MUC15: variants seen among roughly 807,000 people sequenced by gnomAD.
MUC15 encodes mucin 15, cell surface associated.
MUC15 carries 23 observed loss-of-function variants against 24.0 expected under a neutral mutation model. That is an observed-to-expected ratio of 0.96 (90% CI 0.69 to 1.36). MUC15 has a LOEUF of 1.36. MUC15 is among the 40% of genes most tolerant of loss of function. The pLI is 0.00. For synonymous variants in MUC15, 151 were observed against 156.3 expected (o/e 0.97, Z 0.25); for missense variants, 442 against 428.2 (o/e 1.03, Z -0.29).
chr11:26,569,238 C>A (rs1850721857), intron 1 of MUC15, among the ~76,000 whole-genome samples: 1 of 152,088 alleles, frequency 6.6e-6, no homozygotes. Context: ...GTATCAACAC[C>A]CCCAAACGTG....
intron 4 of MUC15, 44 bp from the exon 5 acceptor site, chr11:26,561,269 A>G: frequency 1.4e-6 from 2 of 1,457,116 alleles, no homozygotes; most frequent in Non-Finnish European, 1.8e-6. Flanking sequence ...TGATACTCTG[A>G]AAGATTCATG....
In MUC15 at chr11:26,565,255, T is replaced by C. The variant is rs1183723224; in HGVS notation, c.685A>G (p.Thr229Ala). Residue 229 changes from threonine (T) to alanine (A), a missense_variant, in exon 3 of 5, where the codon ACC becomes GCC. By Grantham distance (58) the Thr-to-Ala change is moderately conservative. Coordinates refer to ENST00000529533, the MANE Select transcript of MUC15 (RefSeq NM_001135091.2). ...AGAGTTGTTTTTTCTTGATAAGGGG[T>C]AAACCCAGTGAAGCTATCACTGTTT... ...TTNSDSFTGF[T>A]PYQEKTTLQP... 2 of 1,587,192 alleles carry C rather than the reference T, an allele frequency of 1.3e-6. No homozygotes were observed. Among genetic ancestry groups the C allele is most frequent in the East Asian group, 4.5e-5 (2 of 44,572 alleles).
In MUC15 at chr11:26,565,309, T is replaced by G; in HGVS notation, c.631A>C (p.Ile211Leu). 6.2e-7 allele frequency: 1 copy of G among 1,609,122 alleles called. No homozygotes were observed. Among genetic ancestry groups the G allele is most frequent in the South Asian group, 1.1e-5 (1 of 90,580 alleles). Residue 211 changes from isoleucine (I) to leucine (L), a missense_variant, in exon 3 of 5, where the codon ATA becomes CTA. Physicochemically the swap from Ile to Leu is conservative, Grantham distance 5. Transcript: ENST00000529533. ...EPTSPSVTPL[I>L]VEPSGWLTTN... is the part of the protein sequence containing the mutation. ...GTAAGCCATCCACTTGGTTCCACTA[T>G]CAAGGGGGTCACAGATGGAGAAGTT...
chr11:26,570,035 T>C (rs1443837236), intron 1 of MUC15, among the ~76,000 whole-genome samples: 1 of 152,072 alleles, frequency 6.6e-6, no homozygotes, highest in African/African-American at 2.4e-5. Flanking sequence ...CTTCTAAAGG[T>C]AGAATTACTA....
rs71047867 is a variant in MUC15 at position 26,563,395 on chromosome 11, CTGTGTGTGTGTG to C, written c.776-142_776-131del. On this transcript the variant is annotated intron_variant, in intron 3 of 4. Transcript: ENST00000529533. ...ATTAGATAATGGTGTGTTTCTCTCT[CTGTGTGTGTGTG>C]TGTGTGTGTGTGTGTGTGTGTGTGT... The C allele has an allele frequency of 2.5e-3, 1,351 of 536,638 alleles. 2 individuals carry two copies. Among genetic ancestry groups the C allele is most frequent in the African/African-American group, 5.6e-3 (276 of 49,568 alleles). 33.2% of individuals were successfully genotyped at this position (536,638 alleles called of 1,614,324 possible).
rs1454217452 is a variant in MUC15 at position 26,565,640 on chromosome 11, A to ATT, written c.299_300insAA (p.Pro101IlefsTer3). The ATT allele has an allele frequency of 6.2e-7, 1 of 1,609,538 alleles. No individual in the cohort carries two copies. The highest frequency in any genetic ancestry group is 1.3e-5 in the African/African-American group (1 of 74,542). On this transcript the variant is annotated frameshift_variant, in exon 3 of 5. Coordinates refer to ENST00000529533, the MANE Select transcript of MUC15 (RefSeq NM_001135091.2). LOFTEE classifies it high-confidence loss of function. ...GGCTGTTGTTGGGTAGATTCAAAGG[A>ATT]GGGGAATGACTCGCCTTGAGATTTG...
Position 26,572,211 on chromosome 11 carries a change from G to A in MUC15, c.-216C>T, listed in dbSNP as rs1850856547. 1.0e-6 allele frequency: 1 copy of A among 985,346 alleles called. No homozygotes were observed. The highest frequency in any genetic ancestry group is 1.7e-5 in the African/African-American group (1 of 57,200). The allele number at this position is 985,346 out of a possible 1,614,324, so 61.0% of individuals were successfully genotyped here. Reference sequence around the variant, plus strand: ...AGGTGGGGCTGGCTGTATCTTGCTTGTGTAACAGAGCGCCCAGGAACCTGA... The same window carrying A: ...AGGTGGGGCTGGCTGTATCTTGCTTATGTAACAGAGCGCCCAGGAACCTGA... On this transcript the variant is annotated 5_prime_UTR_variant, in exon 1 of 5. The change creates a premature stop within an existing upstream ORF in the 5' untranslated region. Coordinates refer to ENST00000529533, the MANE Select transcript of MUC15 (RefSeq NM_001135091.2).
At chr11:26,565,062 CT>C in intron 3 of MUC15, 102 bp downstream of exon 3, 1 of 1,164,750 alleles carries the variant, frequency 8.6e-7, no homozygotes, top group Non-Finnish European at 1.2e-6. Context: ...CTATTGTGTT[CT>C]CTTCTGTTTT....
intron 1 of MUC15, among the ~76,000 whole-genome samples, chr11:26,570,289 G>A (rs1337011889): frequency 1.3e-5 from 2 of 152,052 alleles, no homozygotes; most frequent in Non-Finnish European, 2.9e-5. Flanking sequence ...TGTATGGAGG[G>A]CTGCAGAAAG....
At chr11:26,569,092 T>A (rs1276591815) in intron 1 of MUC15, among the ~76,000 whole-genome samples, 1 of 151,620 alleles carries the variant, frequency 6.6e-6, no homozygotes, top group Admixed American at 6.6e-5. Context: ...ATTACCTGCC[T>A]GTAATGAAAA....
chr11:26,567,101 G>T lies in MUC15; in HGVS notation c.-7C>A. The T allele has an allele frequency of 6.8e-7, 1 of 1,469,676 alleles. No individual in the cohort carries two copies. The highest frequency in any genetic ancestry group is 9.1e-7 in the Non-Finnish European group (1 of 1,103,740). The allele number at this position is 1,469,676 out of a possible 1,614,324, so 91.0% of individuals were successfully genotyped here. A position where few individuals can be genotyped will look rare whatever the true frequency, so the allele number is the denominator to read the frequency against. On this transcript the variant is annotated 5_prime_UTR_variant, in exon 2 of 5. The change creates a new upstream start codon in the 5' untranslated region. Transcript: ENST00000529533. ...TAGATTGTATTATGCCCATTTTGCA[G>T]ATGAAGAAACTGAAGCTCACAATGG...
Position 26,572,190 on chromosome 11 carries a change from G to A in MUC15, c.-195C>T, listed in dbSNP as rs1850855410. On this transcript the variant is annotated 5_prime_UTR_variant, in exon 1 of 5. Coordinates refer to ENST00000529533, the MANE Select transcript of MUC15 (RefSeq NM_001135091.2). ...GGGTGCCAGGGAAACAAAATTAGGT[G>A]GGGCTGGCTGTATCTTGCTTGTGTA... The A allele has an allele frequency of 1.0e-6, 1 of 985,346 alleles. No individual in the cohort carries two copies. The highest frequency in any genetic ancestry group is 1.7e-5 in the African/African-American group (1 of 57,194). 61.0% of individuals were successfully genotyped at this position (985,346 alleles called of 1,614,324 possible).
chr11:26,569,400 TGTCCTGACATTGCAGTAGGGACAAG>T (rs1287191596), intron 1 of MUC15, among the ~76,000 whole-genome samples: 3 of 152,094 alleles, frequency 2.0e-5, no homozygotes, highest in Non-Finnish European at 4.4e-5. Context: ...GAAGACGGAT[TGTCCTGACATTGCAGTAGGGACAAG>T]TTTGCCTCTG....
chr11:26,564,756 T>C (rs868204656), intron 3 of MUC15, among the ~76,000 whole-genome samples: 23 of 89,398 alleles, frequency 2.6e-4, no homozygotes, highest in Non-Finnish European at 4.3e-4. Flanking sequence ...TATATATATA[T>C]ATATATATAT....
chr11:26,567,535 A>C (rs1850638385), intron 1 of MUC15, among the ~76,000 whole-genome samples: 1 of 151,924 alleles, frequency 6.6e-6, no homozygotes, highest in Admixed American at 6.6e-5. Flanking sequence ...ATAATTTCTC[A>C]CATGTGGTAC....
At position 26,559,673 on chromosome 11, in the gene MUC15, T is replaced by C. The variant is rs763126322; in HGVS notation, c.*1392A>G. The C allele has an allele frequency of 5.7e-6, 8 of 1,396,158 alleles. No individual in the cohort carries two copies. Among genetic ancestry groups the C allele is most frequent in the Non-Finnish European group, 8.1e-6 (8 of 982,370 alleles). The allele number at this position is 1,396,158 out of a possible 1,614,324, so 86.5% of individuals were successfully genotyped here. On this transcript the variant is annotated 3_prime_UTR_variant, in exon 5 of 5. Transcript: ENST00000529533. ...GTGCAAACAGTATTCACTGGCTTAT[T>C]ATAATCAATTTGCATGACTAATATT...
chr11:26,564,759 A>T (rs1565109128), intron 3 of MUC15, among the ~76,000 whole-genome samples: 1 of 85,992 alleles, frequency 1.2e-5, no homozygotes. Context: ...ATATATATAT[A>T]TATATATATA....
intron 1 of MUC15, among the ~76,000 whole-genome samples, chr11:26,568,031 T>A (rs1850664903): frequency 6.6e-6 from 1 of 152,016 alleles, no homozygotes; most frequent in African/African-American, 2.4e-5. Context: ...TGTGTGCTGG[T>A]GATACTCTAT....
In MUC15 at chr11:26,565,462, G is replaced by T. The variant is rs1486640608; in HGVS notation, c.478C>A (p.Pro160Thr). ...GTAGCATTGGGATGTGCTGAGATGG[G>T]CAAAAGATCTTCATCTGCTATAGGT... ...NAPIADEDLL[P>T]ISAHPNATPA... Residue 160 changes from proline (P) to threonine (T), a missense_variant, in exon 3 of 5, where the codon CCC (proline) becomes ACC (threonine). Transcript: ENST00000529533. 1.2e-6 allele frequency: 2 copies of T among 1,613,226 alleles called. No homozygotes were observed. The highest frequency in any genetic ancestry group is 2.7e-5 in the African/African-American group (2 of 74,816).
Sources: gnomAD v4.1 joint callset for allele counts (sites outside exome capture counted in the v4.1 genomes callset) on GRCh38, gnomAD v4.1.1 for gene constraint, MANE v1.5 for transcripts, NCBI Gene and HGNC (gene_info 2026-07-23, HGNC 2026-07-21) for gene names.